RIOK3: variants seen among roughly 807,000 people sequenced by gnomAD.
RIOK3 encodes the protein RIO kinase 3, also known as serine/threonine-protein kinase RIO3.
In RIOK3, 40 loss-of-function variants were observed where a neutral mutation model predicts 63.5. The observed-to-expected ratio is 0.63, with a 90% CI of 0.49 to 0.82. RIOK3 has a LOEUF of 0.82. RIOK3 is among the 40% of genes least tolerant of loss of function. The pLI is 0.00. For synonymous variants in RIOK3, 193 were observed against 205.0 expected (o/e 0.94, Z 0.50); for missense variants, 557 against 637.0 (o/e 0.87, Z 1.35).
chr18:23,463,160 G>A, intron 2 of RIOK3, 81 bp downstream of exon 2: 3 of 920,874 alleles, frequency 3.3e-6, no homozygotes, highest in Non-Finnish European at 5.1e-6. Flanking sequence ...ATGACAAGTG[G>A]TTTGGAAAAA....
intron 8 of RIOK3, among the ~76,000 whole-genome samples, chr18:23,474,081 A>G (rs1374000543): frequency 3.3e-5 from 5 of 152,210 alleles, no homozygotes; most frequent in Non-Finnish European, 7.3e-5. Flanking sequence ...TTGTTTTGTC[A>G]ACCAAGAAAT....
intron 7 of RIOK3, 86 bp downstream of exon 7, chr18:23,467,612 T>C (rs1186751929): frequency 7.7e-7 from 1 of 1,296,588 alleles, no homozygotes; most frequent in Non-Finnish European, 1.1e-6. Context: ...TCAAAGATAA[T>C]GCTGCATGGC....
chr18:23,458,191 C>A (rs1197904279), intron 1 of RIOK3, among the ~76,000 whole-genome samples: 1 of 151,938 alleles, frequency 6.6e-6, no homozygotes, highest in Non-Finnish European at 1.5e-5. Flanking sequence ...AGGCGAGAGC[C>A]ACTGCCCCCG....
At chr18:23,455,244 G>A (rs1224061301) in intron 1 of RIOK3, among the ~76,000 whole-genome samples, 3 of 151,444 alleles carry the variant, frequency 2.0e-5, no homozygotes, top group Non-Finnish European at 4.4e-5. Flanking sequence ...GCTGATTTTC[G>A]TATTTTTTTT....
At chr18:23,479,527 C>A in intron 12 of RIOK3, 103 bp downstream of exon 12, 2 of 614,288 alleles carry the variant, frequency 3.3e-6, no homozygotes, top group South Asian at 2.3e-5. Flanking sequence ...TCCCCCAAAA[C>A]AAAATTAATT....
chr18:23,475,107 T>C lies in RIOK3; in HGVS notation c.1173T>C (p.His391=). 1 of 1,604,666 alleles carries C rather than the reference T, an allele frequency of 6.2e-7. No individual in the cohort carries two copies. The highest frequency in any genetic ancestry group is 8.5e-7 in the Non-Finnish European group (1 of 1,176,164). ...EMKEAYYQTL[H]LMRQLYHECT... ...AAGAAGCCTACTATCAAACTCTTCA[T>C]GTAAGTTGTGCTTTTAAAAGAATTC... Residue 391 remains histidine, a splice_region_variant and synonymous_variant, in exon 9 of 13, where the codon CAT becomes CAC. Coordinates refer to ENST00000339486, the MANE Select transcript of RIOK3 (RefSeq NM_003831.5).
chr18:23,455,876 CA>C (rs2057337581), intron 1 of RIOK3, among the ~76,000 whole-genome samples: 1 of 152,160 alleles, frequency 6.6e-6, no homozygotes, highest in Non-Finnish European at 1.5e-5. Flanking sequence ...CAGCTCACTG[CA>C]ACCTCCGCCT....
At chr18:23,477,691 A>G (rs1407296120) in intron 11 of RIOK3, among the ~76,000 whole-genome samples, 1 of 150,618 alleles carries the variant, frequency 6.6e-6, no homozygotes, top group African/African-American at 2.4e-5. Flanking sequence ...TGAACCTGGG[A>G]GGCAGAGGCT....
chr18:23,456,428 G>C (rs2057341634), intron 1 of RIOK3: 1 of 151,724 alleles, frequency 6.6e-6, no homozygotes, highest in South Asian at 2.1e-4. Context: ...CACTAAAGTT[G>C]ATATACAACC....
rs373256794 is a variant in RIOK3 at position 23,462,142 on chromosome 18, A to T, written c.64-822A>T. Among the ~76,000 whole-genome samples the T allele has an allele frequency of 1.8e-4, 20 of 112,852 alleles. 1 individual carries two copies. The highest frequency in any genetic ancestry group is 5.2e-4 in the East Asian group (2 of 3,860). The allele number at this position is 112,852 out of a possible 152,430, so 74.0% of individuals were successfully genotyped here. A position where few individuals can be genotyped will look rare whatever the true frequency, so the allele number is the denominator to read the frequency against. ...AAAAAATGTGTTGTTTGTTCTTGCT[A>T]TTTTTTTTTTTTTTTGGCAGGGGGT... On this transcript the variant is annotated intron_variant, in intron 1 of 12. Transcript: ENST00000339486.
At chr18:23,478,875 T>G (rs2145705084) in intron 11 of RIOK3, 1 of 155,226 alleles carries the variant, frequency 6.4e-6, no homozygotes, top group African/African-American at 2.4e-5. Flanking sequence ...TGGTTTTATT[T>G]ATAGCACTCA....
chr18:23,476,297 A>G lies in RIOK3; in HGVS notation c.1174-709A>G, dbSNP rs140219093. Reference sequence around the variant, plus strand: ...AGACAATGCTCCTAATACTGCCATTATCCCTCTGTGTTTTAATTGAACACT... The same window carrying G: ...AGACAATGCTCCTAATACTGCCATTGTCCCTCTGTGTTTTAATTGAACACT... On this transcript the variant is annotated intron_variant, in intron 9 of 12. Transcript: ENST00000339486. 9.9e-3 allele frequency among the ~76,000 whole-genome samples: 1,500 copies of G among 152,280 alleles called. 18 individuals are homozygous for G. The highest frequency in any genetic ancestry group is 0.035 in the African/African-American group (1,434 of 41,556).
chr18:23,468,711 A>G (rs534654519), intron 7 of RIOK3, among the ~76,000 whole-genome samples: 1 of 152,338 alleles, frequency 6.6e-6, no homozygotes. Flanking sequence ...GAGAACATTC[A>G]GTTTTCTACA....
In RIOK3 at chr18:23,470,119, C is replaced by T. The variant is rs28483525; in HGVS notation, c.815+2593C>T. On this transcript the variant is annotated intron_variant, in intron 7 of 12. Coordinates refer to ENST00000339486, the MANE Select transcript of RIOK3 (RefSeq NM_003831.5). Reference sequence around the variant, plus strand: ...TAAAAATAGGTTAAAAAAAGAAATCCGTTGGAGGACCGATGGGGGCGGATC... The same window carrying T: ...TAAAAATAGGTTAAAAAAAGAAATCTGTTGGAGGACCGATGGGGGCGGATC... Among the ~76,000 whole-genome samples the T allele has an allele frequency of 6.7e-3, 1,015 of 152,028 alleles. 9 individuals are homozygous for T. Among genetic ancestry groups the T allele is most frequent in the African/African-American group, 0.023 (969 of 41,458 alleles).
Position 23,477,008 on chromosome 18 carries a change from G to A in RIOK3, c.1176G>A (p.Leu392=). The part of the protein sequence containing the change: ...MKEAYYQTLH[L]MRQLYHECTL... ...ATGTGTGCCTTCCCTCTTCACAGTT[G>A]ATGCGGCAGTTATATCATGAATGTA... The change falls in exon 10 of 13, where the codon TTG becomes TTA. Residue 392 remains leucine, a splice_region_variant and synonymous_variant. Coordinates refer to ENST00000339486, the MANE Select transcript of RIOK3 (RefSeq NM_003831.5). The A allele has an allele frequency of 6.2e-7, 1 of 1,612,468 alleles. No individual in the cohort carries two copies. Among genetic ancestry groups the A allele is most frequent in the Non-Finnish European group, 8.5e-7 (1 of 1,178,896 alleles).
intron 1 of RIOK3, among the ~76,000 whole-genome samples, chr18:23,460,924 C>T (rs1395064772): frequency 3.3e-5 from 5 of 152,226 alleles, no homozygotes; most frequent in African/African-American, 9.6e-5. Context: ...GCCTCTTCTT[C>T]TCTCCCAAGT....
rs1234128756 is a variant in RIOK3, at chr18:23,479,378, C to T, written c.1406C>T (p.Ser469Leu). ...LSERELFNAV[S>L]GLNITADNEA... Reference sequence around the variant, plus strand: ...GAACGAGAACTCTTCAATGCTGTTTCAGGCTTAAACATCACAGCAGATAAT... The same window carrying T: ...GAACGAGAACTCTTCAATGCTGTTTTAGGCTTAAACATCACAGCAGATAAT... Residue 469 changes from serine to leucine, a missense_variant, in exon 12 of 13, where the codon TCA becomes TTA. Around this residue, in one of 3 missense-constraint regions of RIOK3, gnomAD observed 309 missense variants for 338.7 expected, o/e 0.91. Transcript: ENST00000339486. The T allele has an allele frequency of 2.5e-6, 4 of 1,613,776 alleles. No individual in the cohort carries two copies. The highest frequency in any genetic ancestry group is 3.4e-6 in the Non-Finnish European group (4 of 1,179,860).
At chr18:23,472,742 C>T (rs1366186694) in intron 7 of RIOK3, among the ~76,000 whole-genome samples, 1 of 152,224 alleles carries the variant, frequency 6.6e-6, no homozygotes, top group Non-Finnish European at 1.5e-5. Context: ...AGATGTGCCT[C>T]TGTCCTGTCC....
At chr18:23,476,096 T>A (rs2057488983) in intron 9 of RIOK3, among the ~76,000 whole-genome samples, 1 of 152,076 alleles carries the variant, frequency 6.6e-6, no homozygotes, top group Non-Finnish European at 1.5e-5. Context: ...CATTGAATGT[T>A]ACAGCTTTAA....
Sources: allele counts gnomAD v4.1 joint callset (sites outside exome capture counted in the v4.1 genomes callset), GRCh38; gene constraint gnomAD v4.1.1; regional missense constraint gnomAD v4.1.1; transcripts MANE v1.5; gene names NCBI Gene and HGNC (gene_info 2026-07-23, HGNC 2026-07-21).